Variants in ABCC11 observed in about 807,000 individuals in gnomAD.
The protein encoded by ABCC11 is ATP-binding cassette sub-family C member 11.
A neutral mutation model predicts 149.3 loss-of-function variants in ABCC11; 135 were observed. That is an observed-to-expected ratio of 0.90 (90% CI 0.79 to 1.04). The LOEUF is 1.04. ABCC11 is among the 50% of genes least tolerant of loss of function. The probability of loss-of-function intolerance (pLI) is 0.00; values close to 1 mark genes in which losing one functional copy is unlikely to be tolerated. For missense variants in ABCC11, 1,680 were observed against 1,722.1 expected, an observed-to-expected ratio of 0.98 and a Z score of 0.43; for synonymous variants, 665 against 671.4, an observed-to-expected ratio of 0.99 and a Z score of 0.15.
intron 7 of ABCC11, 119 bp downstream of exon 7, chr16:48,215,994 TA>T: frequency 8.8e-7 from 1 of 1,140,572 alleles, no homozygotes; most frequent in Non-Finnish European, 1.3e-6. Flanking sequence ...AGCTGAATCT[TA>T]ACCACAATGG....
Position 48,198,219 on chromosome 16 carries a change from A to T in ABCC11, c.2139T>A (p.Asn713Lys), listed in dbSNP as rs767288998. 6.2e-7 allele frequency: 1 copy of T among 1,614,144 alleles called. No individual in the cohort carries two copies. The highest frequency in any genetic ancestry group is 1.7e-5 in the Admixed American group (1 of 60,020). ...TCTGCATTAACTCACTGTGAGTTCC[A>T]TTTTCACAGATTTTCCCATTTTCCA... Reference protein sequence around the residue: ...ILLENGKICENGTHSELMQKK... With the variant: ...ILLENGKICEKGTHSELMQKK... Residue 713 changes from asparagine to lysine, a missense_variant, in exon 16 of 30, where the codon AAT becomes AAA. Transcript: ENST00000356608.
chr16:48,175,415 T>TG lies in ABCC11; in HGVS notation c.3540_3541insC (p.Lys1181GlnfsTer22), dbSNP rs1965990199. The TG allele has an allele frequency of 6.2e-7, 1 of 1,604,954 alleles. No individual in the cohort carries two copies. Among genetic ancestry groups the TG allele is most frequent in the South Asian group, 1.1e-5 (1 of 90,812 alleles). ...AAGAGAGCCATGCCCAAGGAGGACT[T>TG]CCCTGTGGGGCAAGAAACAAGCGGG... On this transcript the variant is annotated frameshift_variant and splice_region_variant, in exon 26 of 30. Transcript: ENST00000356608. LOFTEE classifies it high-confidence loss of function.
rs1970446423 is a variant in ABCC11, at chr16:48,231,928, T to G, written c.-7A>C. 1 of 1,613,906 alleles carries G rather than the reference T, an allele frequency of 6.2e-7. No homozygotes were observed. The highest frequency in any genetic ancestry group is 1.7e-4 in the Middle Eastern group (1 of 6,060). On this transcript the variant is annotated 5_prime_UTR_variant, in exon 2 of 30. Transcript: ENST00000356608. ...ATGTCCTCTTCCTAGTCATTTTCAG[T>G]TCCTGCCAATTCTTCGTTTCCCAGA...
chr16:48,244,455 C>G, intron 1 of ABCC11: 2 of 1,596,784 alleles, frequency 1.3e-6, no homozygotes, highest in Non-Finnish European at 1.7e-6. Context: ...CGAGGGCGTC[C>G]TGCTGCCCGG....
In ABCC11 at chr16:48,213,423, C is replaced by T; in HGVS notation, c.1356+20G>A. 6.3e-7 allele frequency: 1 copy of T among 1,598,308 alleles called. No individual in the cohort carries two copies. Among genetic ancestry groups the T allele is most frequent in the Non-Finnish European group, 8.6e-7 (1 of 1,168,494 alleles). ...GAGCGTCCAAGCAGGGGGCCTACAGCCAGTCCCCTGATGACCTACCTTGAA... is the reference window on the plus strand; with the variant it reads ...GAGCGTCCAAGCAGGGGGCCTACAGTCAGTCCCCTGATGACCTACCTTGAA... On this transcript the variant is annotated intron_variant, in intron 10 of 29. Transcript: ENST00000356608.
chr16:48,189,913 A>T (rs1966857275), intron 20 of ABCC11, among the ~76,000 whole-genome samples: 1 of 152,142 alleles, frequency 6.6e-6, no homozygotes, highest in Non-Finnish European at 1.5e-5. Context: ...TGCGTCTCCA[A>T]GTCAAAACCC....
intron 27 of ABCC11, 45 bp from the exon 28 acceptor site, chr16:48,170,263 G>A: frequency 6.7e-7 from 1 of 1,500,298 alleles, no homozygotes; most frequent in South Asian, 1.1e-5. Flanking sequence ...AAGCCACTGT[G>A]GGGTGAGACC....
At chr16:48,228,331 TGCCTATAATCCCAGCACTTTG>T (rs1970212574) in intron 3 of ABCC11, among the ~76,000 whole-genome samples, 1 of 151,962 alleles carries the variant, frequency 6.6e-6, no homozygotes, top group South Asian at 2.1e-4. Flanking sequence ...CAGTGGCTCA[TGCCTATAATCCCAGCACTTTG>T]GGAGGCCGAG....
At chr16:48,198,805 A>G (rs200633422) in intron 15 of ABCC11, among the ~76,000 whole-genome samples, 1 of 152,082 alleles carries the variant, frequency 6.6e-6, no homozygotes, top group Non-Finnish European at 1.5e-5. Flanking sequence ...TTGGGAGGCC[A>G]AGGTGGACAG....
intron 6 of ABCC11, among the ~76,000 whole-genome samples, chr16:48,216,803 T>C (rs906475057): frequency 2.0e-5 from 3 of 152,198 alleles, no homozygotes; most frequent in African/African-American, 7.2e-5. Flanking sequence ...CTAGAGTCTG[T>C]ACAGAACCAG....
In ABCC11 at chr16:48,208,418, C is replaced by T; in HGVS notation, c.1680+7G>A. ...GACAGGCAAGCATGTGGCCACAGAT[C>T]ACTTACCTCCTCCAGGATGGCTGAC... On this transcript the variant is annotated splice_region_variant and intron_variant, in intron 12 of 29. Transcript: ENST00000356608. The T allele has an allele frequency of 6.2e-7, 1 of 1,614,110 alleles. No individual in the cohort carries two copies. Among genetic ancestry groups the T allele is most frequent in the African/African-American group, 1.3e-5 (1 of 75,060 alleles).
At chr16:48,211,267 A>G in intron 10 of ABCC11, 68 bp from the exon 11 acceptor site, 1 of 1,542,010 alleles carries the variant, frequency 6.5e-7, no homozygotes, top group Non-Finnish European at 8.8e-7. Flanking sequence ...ATGTGTTCCC[A>G]GTTTTACAAG....
chr16:48,201,238 A>T (rs1262744629), intron 14 of ABCC11, among the ~76,000 whole-genome samples: 1 of 152,184 alleles, frequency 6.6e-6, no homozygotes, highest in East Asian at 1.9e-4. Context: ...TAAGTCACTT[A>T]TTCCCAAGTC....
At chr16:48,198,561 C>T (rs1478681640) in intron 15 of ABCC11, among the ~76,000 whole-genome samples, 1 of 151,450 alleles carries the variant, frequency 6.6e-6, no homozygotes, top group Non-Finnish European at 1.5e-5. Flanking sequence ...ACCAACGATT[C>T]GACTCCTAAA....
rs891174524 is a variant in ABCC11 at position 48,228,084 on chromosome 16, A to G, written c.237-120T>C. The G allele has an allele frequency of 3.2e-6, 3 of 940,656 alleles. No homozygotes were observed. The African/African-American group carries it at 5.0e-5, about 16-fold the overall frequency. The allele number at this position is 940,656 out of a possible 1,614,324, so 58.3% of individuals were successfully genotyped here. ...ATCTACACACAAACATGTTTTCATG[A>G]CTCTTATTTGTAAGTTGAAAATCAT... On this transcript the variant is annotated intron_variant, in intron 3 of 29. Coordinates refer to ENST00000356608, the MANE Select transcript of ABCC11 (RefSeq NM_001370497.1).
intron 1 of ABCC11, among the ~76,000 whole-genome samples, chr16:48,243,571 G>A (rs1040952900): frequency 6.6e-6 from 1 of 151,486 alleles, no homozygotes; most frequent in Non-Finnish European, 1.5e-5. Context: ...TTTGGGTAAG[G>A]CCTATAGGTT....
At chr16:48,167,681 G>A (rs1333703939) in intron 28 of ABCC11, 21 bp from the exon 29 acceptor site, 8 of 1,613,366 alleles carry the variant, frequency 5.0e-6, no homozygotes, top group Non-Finnish European at 6.8e-6. Flanking sequence ...CAAAACAGGG[G>A]TGAAGGTGTC....
chr16:48,215,488 G>T, intron 7 of ABCC11, 144 bp from the exon 8 acceptor site: 1 of 939,030 alleles, frequency 1.1e-6, no homozygotes, highest in Non-Finnish European at 1.5e-6. Context: ...AGGCCACTAT[G>T]CCTTAGAGCA....
In ABCC11 at chr16:48,200,241, G is replaced by A. The variant is rs33961557; in HGVS notation, c.2082+35C>T. On this transcript the variant is annotated intron_variant, in intron 15 of 29. Coordinates refer to ENST00000356608, the MANE Select transcript of ABCC11 (RefSeq NM_001370497.1). ...AAAGGCTTGAGGATCTACGTTATCCGTCAATCACAGTCAGAGCCCTGGAAG... is the reference window on the plus strand; with the variant it reads ...AAAGGCTTGAGGATCTACGTTATCCATCAATCACAGTCAGAGCCCTGGAAG... 1.5e-4 allele frequency: 242 copies of A among 1,596,148 alleles called. 2 individuals are homozygous for A. The East Asian group carries it at 3.6e-3, about 23-fold the overall frequency.
Sources: allele counts gnomAD v4.1 joint callset (sites outside exome capture counted in the v4.1 genomes callset), GRCh38; gene constraint gnomAD v4.1.1; transcripts MANE v1.5; gene names NCBI Gene and HGNC (gene_info 2026-07-23, HGNC 2026-07-21).